The following DSCAML1 variants were observed in gnomAD, a reference collection of about 807,000 sequenced individuals.
DSCAML1 encodes the protein DS cell adhesion molecule like 1.
A neutral mutation model predicts 200.5 loss-of-function variants in DSCAML1; 38 were observed. The observed-to-expected ratio is 0.19, with a 90% confidence interval of 0.15 to 0.25. The LOEUF is 0.25. Ranked by LOEUF, DSCAML1 falls within the 10% of genes least tolerant of loss-of-function variation. The pLI is 1.00. For synonymous variants in DSCAML1, 1,215 were observed against 1,165.0 expected, an observed-to-expected ratio of 1.04 and a Z score of -0.87; for missense variants, 2,223 against 2,858.8, an observed-to-expected ratio of 0.78 and a Z score of 5.07.
At chr11:117,624,052 T>C (rs967303052) in intron 3 of DSCAML1, among the ~76,000 whole-genome samples, 3 of 152,156 alleles carry the variant, frequency 2.0e-5, no homozygotes, top group Admixed American at 6.5e-5. Context: ...GAGGGAGAGC[T>C]CTCTGTGCAG....
chr11:117,450,722 A>C (rs886731923), intron 19 of DSCAML1, 34 bp from the exon 20 acceptor site: 1 of 1,604,470 alleles, frequency 6.2e-7, no homozygotes, highest in Non-Finnish European at 8.5e-7. Context: ...AGTTGAGAGA[A>C]AGCAGGAGCA....
chr11:117,590,018 A>AT (rs1259247252), intron 3 of DSCAML1, among the ~76,000 whole-genome samples: 1 of 152,020 alleles, frequency 6.6e-6, no homozygotes, highest in African/African-American at 2.4e-5. Context: ...CTCACTAGGT[A>AT]TTTTTTGCCT....
intron 3 of DSCAML1, among the ~76,000 whole-genome samples, chr11:117,762,391 A>G (rs2054819698): frequency 6.6e-6 from 1 of 152,192 alleles, no homozygotes; most frequent in African/African-American, 2.4e-5. Context: ...CACAGTCCAG[A>G]AGCTGAATAA....
chr11:117,532,695 G>A (rs2050104103), intron 3 of DSCAML1, among the ~76,000 whole-genome samples, 173 bp from the exon 4 acceptor site: 1 of 152,048 alleles, frequency 6.6e-6, no homozygotes, highest in Middle Eastern at 3.2e-3. Flanking sequence ...AAAGAAGCTG[G>A]GCTTTAGAGT....
At chr11:117,775,293 G>A (rs1407317381) in intron 3 of DSCAML1, among the ~76,000 whole-genome samples, 2 of 152,170 alleles carry the variant, frequency 1.3e-5, no homozygotes, top group African/African-American at 2.4e-5. Context: ...CCACCCCTGC[G>A]GGGTCCAACC....
intron 3 of DSCAML1, among the ~76,000 whole-genome samples, chr11:117,775,633 G>A (rs139142244): frequency 1.5e-4 from 23 of 152,112 alleles, no homozygotes; most frequent in African/African-American, 5.3e-4. Flanking sequence ...CTGTCAACAC[G>A]CCAGAGCATG....
intron 3 of DSCAML1, among the ~76,000 whole-genome samples, chr11:117,745,222 T>A (rs1317967910): frequency 8.2e-5 from 1 of 12,214 alleles, no homozygotes; most frequent in Non-Finnish European, 3.0e-4. Flanking sequence ...TGAGGCTACC[T>A]GGGGCGGGGG....
intron 3 of DSCAML1, among the ~76,000 whole-genome samples, chr11:117,690,048 A>G (rs1200479664): frequency 6.6e-6 from 1 of 152,200 alleles, no homozygotes; most frequent in Non-Finnish European, 1.5e-5. Flanking sequence ...AGCACCTAGT[A>G]GGCACTCCAG....
intron 3 of DSCAML1, among the ~76,000 whole-genome samples, chr11:117,618,794 G>C (rs1021626825): frequency 1.3e-5 from 2 of 152,164 alleles, no homozygotes; most frequent in African/African-American, 4.8e-5. Context: ...TGAGGAATGG[G>C]ATCTCTTGCT....
intron 11 of DSCAML1, among the ~76,000 whole-genome samples, chr11:117,487,763 C>T (rs1030965771): frequency 1.3e-5 from 2 of 152,028 alleles, no homozygotes; most frequent in Non-Finnish European, 2.9e-5. Flanking sequence ...GAATTAGTAA[C>T]CCAGGGAGCA....
intron 3 of DSCAML1, among the ~76,000 whole-genome samples, chr11:117,706,557 T>C (rs1156247171): frequency 2.0e-5 from 3 of 152,220 alleles, no homozygotes; most frequent in African/African-American, 7.2e-5. Context: ...TGGGCCGGAT[T>C]GACTTTTCCT....
chr11:117,441,806 C>A (rs1049100110), intron 21 of DSCAML1, among the ~76,000 whole-genome samples: 2 of 152,076 alleles, frequency 1.3e-5, no homozygotes, highest in African/African-American at 4.8e-5. Flanking sequence ...GCAGTGGGGG[C>A]ACCAGACAGG....
intron 1 of DSCAML1, among the ~76,000 whole-genome samples, chr11:117,815,148 T>C (rs1204724424): frequency 1.3e-5 from 2 of 152,192 alleles, no homozygotes; most frequent in Non-Finnish European, 2.9e-5. Context: ...AAGTGTGTAT[T>C]TGCAGGGGCT....
chr11:117,613,488 C>A (rs973727464), intron 3 of DSCAML1, among the ~76,000 whole-genome samples: 5 of 152,100 alleles, frequency 3.3e-5, no homozygotes, highest in African/African-American at 1.2e-4. Context: ...TGAGAGGAGA[C>A]CCCCTAACTA....
At chr11:117,772,391 C>T (rs990877173) in intron 3 of DSCAML1, among the ~76,000 whole-genome samples, 1 of 152,168 alleles carries the variant, frequency 6.6e-6, no homozygotes, top group African/African-American at 2.4e-5. Flanking sequence ...GTCTCCCTAC[C>T]CACAATAAAC....
intron 3 of DSCAML1, among the ~76,000 whole-genome samples, chr11:117,696,706 G>C (rs976729700): frequency 6.6e-6 from 1 of 152,124 alleles, no homozygotes; most frequent in African/African-American, 2.4e-5. Flanking sequence ...ATACAGTGGA[G>C]AGTTTCCCAA....
chr11:117,643,914 C>T (rs1175796251), intron 3 of DSCAML1, among the ~76,000 whole-genome samples: 1 of 152,244 alleles, frequency 6.6e-6, no homozygotes, highest in Non-Finnish European at 1.5e-5. Flanking sequence ...CATTCTCAGA[C>T]AGAAGGTGGC....
intron 3 of DSCAML1, among the ~76,000 whole-genome samples, chr11:117,766,804 TTGA>T (rs2054905598): frequency 6.6e-6 from 1 of 152,114 alleles, no homozygotes; most frequent in East Asian, 1.9e-4. Flanking sequence ...ACATTTCTGC[TTGA>T]CTGAGGAGTG....
In DSCAML1 at chr11:117,480,637, C is replaced by T. The variant is rs1218279174; in HGVS notation, c.2657-66G>A. 6.5e-7 allele frequency: 1 copy of T among 1,536,984 alleles called. No individual in the cohort carries two copies. Among genetic ancestry groups the T allele is most frequent in the African/African-American group, 1.4e-5 (1 of 72,766 alleles). The stretch of plus-strand genomic sequence containing the variant: ...GCAGGGAGCTTGGCCTCCTGCTTGG[C>T]CCTGAGGATTGGCATCACCTGGGTC... On this transcript the variant is annotated intron_variant, in intron 13 of 32. Transcript: ENST00000651296. The surrounding 1 kb of genome is among the most constrained non-coding windows in gnomAD (Gnocchi z 4.1).
Sources: gnomAD v4.1 joint callset for allele counts (sites outside exome capture counted in the v4.1 genomes callset) on GRCh38, gnomAD v4.1.1 for gene constraint, Gnocchi (gnomAD v3.1) non-coding constraint, MANE v1.5 for transcripts, NCBI Gene and HGNC (gene_info 2026-07-23, HGNC 2026-07-21) for gene names.